Variants in TET2 observed in about 807,000 individuals in gnomAD.
TET2 encodes the protein methylcytosine dioxygenase TET2.
TET2 carries 299 observed loss-of-function variants against 142.9 expected under a neutral mutation model. The ratio of observed to expected loss-of-function variants is 2.09; its 90% CI spans 1.90 to 2.30. TET2 has a LOEUF of 2.30. TET2 is among the 30% of genes most tolerant of loss of function. TET2 has a pLI of 0.00. For missense variants in TET2, 2,418 were observed against 2,378.0 expected, an observed-to-expected ratio of 1.02 and a Z score of -0.35; for synonymous variants, 819 against 849.0, an observed-to-expected ratio of 0.96 and a Z score of 0.61.
At chr4:105,237,970 A>G in intron 3 of TET2, 1 of 952,050 alleles carries the variant, frequency 1.1e-6, no homozygotes, top group Non-Finnish European at 1.3e-6. Flanking sequence ...TGATTAAAAA[A>G]TATGATACAG....
At chr4:105,266,820 A>G (rs187250903) in intron 8 of TET2, among the ~76,000 whole-genome samples, 83 of 152,208 alleles carry the variant, frequency 5.5e-4, no homozygotes, top group Admixed American at 2.0e-3. Context: ...ACAGAAAAAT[A>G]TTTAAAGAAA....
chr4:105,185,409 A>C (rs1035365262), intron 1 of TET2, among the ~76,000 whole-genome samples: 3 of 152,228 alleles, frequency 2.0e-5, no homozygotes, highest in African/African-American at 7.2e-5. Context: ...CCATTCAATA[A>C]ATTTTAGCTA....
chr4:105,259,770 G>C lies in TET2; in HGVS notation c.3954+1G>C. 1 of 1,549,642 alleles carries C rather than the reference G, an allele frequency of 6.5e-7. No homozygotes were observed. Among genetic ancestry groups the C allele is most frequent in the Non-Finnish European group, 8.7e-7 (1 of 1,145,886 alleles). ...GCTGCTTGGGGATGACCCAAAAGAG[G>C]TTTGTTTACTTCCTGATGTATAATC... is the stretch of plus-strand genomic sequence containing the variant. On this transcript the variant is annotated splice_donor_variant, in intron 7 of 10. Coordinates refer to ENST00000380013, the MANE Select transcript of TET2 (RefSeq NM_001127208.3). LOFTEE classifies it high-confidence loss of function.
At position 105,235,476 on chromosome 4, in the gene TET2, C is replaced by T. The variant is rs2110227731; in HGVS notation, c.1534C>T (p.Leu512Phe). 1 of 1,614,094 alleles carries T rather than the reference C, an allele frequency of 6.2e-7. No individual in the cohort carries two copies. Among genetic ancestry groups the T allele is most frequent in the Non-Finnish European group, 8.5e-7 (1 of 1,179,998 alleles). The change falls in exon 3 of 11, where the codon CTC becomes TTC. Residue 512 changes from leucine to phenylalanine, a missense_variant. By Grantham distance (22) the Leu-to-Phe change is conservative (BLOSUM62 0). Transcript: ENST00000380013. ...GAAAACAAGACCAATGTCAGAACAC[C>T]TCAAGCATAACCCACCAATTTTTGG... The part of the protein sequence containing the change: ...SEKTRPMSEH[L>F]KHNPPIFGSS...
intron 6 of TET2, among the ~76,000 whole-genome samples, chr4:105,248,021 T>C (rs1043990352): frequency 1.3e-5 from 2 of 152,182 alleles, no homozygotes; most frequent in South Asian, 2.1e-4. Context: ...CACGCCCAGC[T>C]GATTTTTAAG....
In TET2 at chr4:105,276,678, C is replaced by T. The variant is rs1249818952; in HGVS notation, c.*159C>T. On this transcript the variant is annotated 3_prime_UTR_variant, in exon 11 of 11. Coordinates refer to ENST00000380013, the MANE Select transcript of TET2 (RefSeq NM_001127208.3). ...ACCAGCAACAAAAGAGGTTATCTTA[C>T]CATAGCACTTAATTTTCACTGGCTC... 1.3e-6 allele frequency: 1 copy of T among 792,742 alleles called. No homozygotes were observed. The highest frequency in any genetic ancestry group is 2.3e-5 in the South Asian group (1 of 44,146). The allele number at this position is 792,742 out of a possible 1,614,324, so 49.1% of individuals were successfully genotyped here. A position where few individuals can be genotyped will look rare whatever the true frequency, so the allele number is the denominator to read the frequency against.
At chr4:105,204,430 A>T (rs1277892278) in intron 2 of TET2, among the ~76,000 whole-genome samples, 1 of 152,202 alleles carries the variant, frequency 6.6e-6, no homozygotes, top group East Asian at 1.9e-4. Context: ...ATTAGACATC[A>T]TGTAATATCA....
At chr4:105,241,983 G>A (rs1423212407) in intron 4 of TET2, 1 of 1,229,866 alleles carries the variant, frequency 8.1e-7, no homozygotes, top group Admixed American at 4.5e-5. Context: ...ACAAGTACTT[G>A]CCTTTACTCC....
chr4:105,154,631 A>G (rs1239824642), intron 1 of TET2, among the ~76,000 whole-genome samples: 5 of 152,208 alleles, frequency 3.3e-5, no homozygotes, highest in African/African-American at 1.2e-4. Context: ...GTGATAGGTT[A>G]TATGACTTGG....
chr4:105,242,504 TTA>T (rs1729360180), intron 4 of TET2: 3 of 1,111,274 alleles, frequency 2.7e-6, no homozygotes, highest in Non-Finnish European at 3.3e-6. Context: ...AAAAAATAGT[TTA>T]TGTTTTAGAA....
At chr4:105,219,152 G>A (rs1026565402) in intron 2 of TET2, among the ~76,000 whole-genome samples, 3 of 152,060 alleles carry the variant, frequency 2.0e-5, no homozygotes, top group Admixed American at 2.0e-4. Flanking sequence ...TAAATTGATA[G>A]CTCATGGATG....
intron 5 of TET2, among the ~76,000 whole-genome samples, 191 bp from the exon 6 acceptor site, chr4:105,243,379 A>G (rs1729408252): frequency 1.3e-5 from 2 of 152,158 alleles, no homozygotes; most frequent in South Asian, 4.1e-4. Flanking sequence ...TTGTTCTGAT[A>G]CTAGGGTCAA....
intron 1 of TET2, among the ~76,000 whole-genome samples, chr4:105,185,962 C>T (rs1462754615): frequency 6.6e-6 from 1 of 152,086 alleles, no homozygotes; most frequent in Non-Finnish European, 1.5e-5. Context: ...CGTGGTGGCT[C>T]ACACCTGTAA....
At position 105,276,847 on chromosome 4, in the gene TET2, C is replaced by A. The variant is rs1047217949; in HGVS notation, c.*328C>A. On this transcript the variant is annotated 3_prime_UTR_variant, in exon 11 of 11. Transcript: ENST00000380013. ...TGATATGTAAATGTGATCCCCCCCC[C>A]CCGCTTACAACTCTACACATCTGTG... 2 of 221,888 alleles carry A rather than the reference C, an allele frequency of 9.0e-6. No homozygotes were observed. The highest frequency in any genetic ancestry group is 9.7e-5 in the South Asian group (1 of 10,288). The allele number at this position is 221,888 out of a possible 1,614,324, so 13.7% of individuals were successfully genotyped here.
At position 105,227,058 on chromosome 4, in the gene TET2, G is replaced by A. The variant is rs115216836; in HGVS notation, c.-46-6839G>A. ...GTAGCTCTAACAGTGCTTAGAACCA[G>A]TTCTCAAGAGCACATTGTGAAACTT... On this transcript the variant is annotated intron_variant, in intron 2 of 10. Coordinates refer to ENST00000380013, the MANE Select transcript of TET2 (RefSeq NM_001127208.3). Among the ~76,000 whole-genome samples the A allele has an allele frequency of 5.4e-3, 826 of 152,268 alleles. 2 individuals are homozygous for A. The highest frequency in any genetic ancestry group is 7.2e-3 in the Non-Finnish European group (492 of 68,020).
chr4:105,151,407 A>G (rs1004330555), intron 1 of TET2, among the ~76,000 whole-genome samples: 1 of 152,058 alleles, frequency 6.6e-6, no homozygotes, highest in Non-Finnish European at 1.5e-5. Flanking sequence ...AATGACATGT[A>G]GTTAAATGTG....
At chr4:105,176,099 C>T (rs1156784400) in intron 1 of TET2, among the ~76,000 whole-genome samples, 1 of 152,112 alleles carries the variant, frequency 6.6e-6, no homozygotes, top group Non-Finnish European at 1.5e-5. Context: ...AGGTTAGAAA[C>T]TCAGATCCAC....
chr4:105,251,680 G>T (rs1729877261), intron 6 of TET2, among the ~76,000 whole-genome samples: 1 of 152,092 alleles, frequency 6.6e-6, no homozygotes, highest in Non-Finnish European at 1.5e-5. Context: ...AAGGTATACT[G>T]ATCTTTAGTT....
chr4:105,235,959 G>A lies in TET2; in HGVS notation c.2017G>A (p.Val673Met). The change falls in exon 3 of 11, where the codon GTG becomes ATG. Residue 673 changes from valine to methionine, a missense_variant. Transcript: ENST00000380013. ...AACAGACCATTTACCAAAAGCTCATGTGCAGTCACTGTGTGGCACTAGATT... is the reference window on the plus strand; with the variant it reads ...AACAGACCATTTACCAAAAGCTCATATGCAGTCACTGTGTGGCACTAGATT... ...SKTDHLPKAH[V>M]QSLCGTRFHF... is the part of the protein sequence containing the mutation. 6.2e-7 allele frequency: 1 copy of A among 1,614,158 alleles called. No individual in the cohort carries two copies. The highest frequency in any genetic ancestry group is 2.2e-5 in the East Asian group (1 of 44,876).
Sources: allele counts gnomAD v4.1 joint callset (sites outside exome capture counted in the v4.1 genomes callset), GRCh38; gene constraint gnomAD v4.1.1; transcripts MANE v1.5; gene names NCBI Gene and HGNC (gene_info 2026-07-23, HGNC 2026-07-21).